The following MCTP2 variants were observed in gnomAD, a reference collection of about 807,000 sequenced individuals.
The protein encoded by MCTP2 is multiple C2 and transmembrane domain-containing protein 2.
In MCTP2, 132 loss-of-function variants were observed where a neutral mutation model predicts 111.6. That is an observed-to-expected ratio of 1.18 (90% CI 1.03 to 1.37). MCTP2 has a LOEUF of 1.37. Ranked by LOEUF, MCTP2 falls within the 40% of genes most tolerant of loss-of-function variation. The pLI, the probability that MCTP2 is intolerant of heterozygous loss-of-function variation, is 0.00. For missense variants in MCTP2, 1,183 were observed against 1,067.9 expected, an observed-to-expected ratio of 1.11 and a Z score of -1.50; for synonymous variants, 395 against 387.7, an observed-to-expected ratio of 1.02 and a Z score of -0.22.
At chr15:94,459,485 T>C (rs12911659) in intron 20 of MCTP2, among the ~76,000 whole-genome samples, 105,956 of 152,072 alleles carry the variant, frequency 0.7, 37,118 homozygotes, top group Middle Eastern at 0.89. Context: ...AAGTTATAAA[T>C]GACTTTTAAA....
chr15:94,453,550 T>C (rs2084604994), intron 19 of MCTP2, among the ~76,000 whole-genome samples: 1 of 152,244 alleles, frequency 6.6e-6, no homozygotes, highest in African/African-American at 2.4e-5. Flanking sequence ...GTATGTTAAA[T>C]ATTTGCATAA....
chr15:94,390,725 C>CTTTTTTTTTTTTTTTT lies in MCTP2; in HGVS notation c.1788+5207_1788+5222dup, dbSNP rs777312969. The stretch of plus-strand genomic sequence containing the variant: ...GAAGACCTGCAATTTCTTTTCTTTT[C>CTTTTTTTTTTTTTTTT]TTTTTTTTTTTTTTTTTTTTTTGGG... On this transcript the variant is annotated intron_variant, in intron 14 of 22. Coordinates refer to ENST00000357742, the MANE Select transcript of MCTP2 (RefSeq NM_001385001.1). 2.0e-4 allele frequency among the ~76,000 whole-genome samples: 23 copies of CTTTTTTTTTTTTTTTT among 112,976 alleles called. 1 individual carries two copies. Among genetic ancestry groups the CTTTTTTTTTTTTTTTT allele is most frequent in the African/African-American group, 7.5e-4 (22 of 29,208 alleles). 74.1% of individuals were successfully genotyped at this position (112,976 alleles called of 152,430 possible).
intron 1 of MCTP2, among the ~76,000 whole-genome samples, chr15:94,253,447 C>A (rs1013742080): frequency 6.6e-6 from 1 of 152,174 alleles, no homozygotes; most frequent in East Asian, 1.9e-4. Context: ...ATATAATCAG[C>A]AAATTACAAA....
At chr15:94,297,058 A>G (rs1356447808) in intron 1 of MCTP2, among the ~76,000 whole-genome samples, 1 of 152,168 alleles carries the variant, frequency 6.6e-6, no homozygotes, top group Non-Finnish European at 1.5e-5. Flanking sequence ...AGAAAATGTG[A>G]TTTGTGGAAG....
chr15:94,328,310 A>G (rs954745564), intron 4 of MCTP2, among the ~76,000 whole-genome samples: 3 of 151,330 alleles, frequency 2.0e-5, no homozygotes, highest in Non-Finnish European at 4.4e-5. Context: ...TTGTATTTTT[A>G]GTAGAGACGG....
At chr15:94,465,012 T>G (rs542421396) in intron 20 of MCTP2, among the ~76,000 whole-genome samples, 1 of 152,098 alleles carries the variant, frequency 6.6e-6, no homozygotes, top group South Asian at 2.1e-4. Context: ...TTGTTTTTGT[T>G]TGGCTTGTTC....
In MCTP2 at chr15:94,481,297, A is replaced by G. The variant is rs1201775954; in HGVS notation, c.*2263A>G. 6.6e-6 allele frequency: 1 copy of G among 152,078 alleles called. No homozygotes were observed. The highest frequency in any genetic ancestry group is 1.5e-5 in the Non-Finnish European group (1 of 68,046). The allele number at this position is 152,078 out of a possible 1,614,324, so 9.4% of individuals were successfully genotyped here. ...CCCTGTCTTCAGAACCCCAACCCTC[A>G]TAATCTCCTTCCAGCTTCCTTATTT... On this transcript the variant is annotated 3_prime_UTR_variant, in exon 23 of 23. Coordinates refer to ENST00000357742, the MANE Select transcript of MCTP2 (RefSeq NM_001385001.1).
intron 21 of MCTP2, 24 bp from the exon 22 acceptor site, chr15:94,476,672 A>G (rs1337716559): frequency 2.6e-6 from 3 of 1,146,810 alleles, no homozygotes; most frequent in Non-Finnish European, 4.0e-6. Context: ...AGATAAAGAG[A>G]TCTCCTGTGT....
chr15:94,266,072 G>T (rs976574167), intron 1 of MCTP2, among the ~76,000 whole-genome samples: 1 of 55,182 alleles, frequency 1.8e-5, no homozygotes, highest in East Asian at 6.1e-4. Context: ...ACGTGCATGC[G>T]TGTGCGCGCA....
intron 19 of MCTP2, among the ~76,000 whole-genome samples, chr15:94,451,987 A>G (rs1167127633): frequency 6.6e-6 from 1 of 152,170 alleles, no homozygotes; most frequent in Non-Finnish European, 1.5e-5. Context: ...CCACACTCCA[A>G]TCAGAGTAAT....
chr15:94,370,450 G>A (rs542031527), intron 12 of MCTP2, among the ~76,000 whole-genome samples: 1 of 152,104 alleles, frequency 6.6e-6, no homozygotes, highest in East Asian at 1.9e-4. Flanking sequence ...TATGAGTCAC[G>A]ACTTCTTTAT....
At chr15:94,312,715 A>AT (rs2076202109) in intron 2 of MCTP2, among the ~76,000 whole-genome samples, 1 of 152,210 alleles carries the variant, frequency 6.6e-6, no homozygotes. Flanking sequence ...TCCTAGCCCC[A>AT]TGAGGCTCCA....
At chr15:94,364,298 A>T (rs1333295692) in intron 10 of MCTP2, among the ~76,000 whole-genome samples, 1 of 152,176 alleles carries the variant, frequency 6.6e-6, no homozygotes, top group Non-Finnish European at 1.5e-5. Flanking sequence ...CAAACCAAAA[A>T]TATTTAATTA....
chr15:94,419,611 A>G (rs1343190634), intron 17 of MCTP2, among the ~76,000 whole-genome samples: 1 of 152,014 alleles, frequency 6.6e-6, no homozygotes, highest in Non-Finnish European at 1.5e-5. Context: ...ACACCCACTG[A>G]TTTCTTCCGA....
intron 17 of MCTP2, among the ~76,000 whole-genome samples, chr15:94,429,402 A>G (rs549962180): frequency 1.3e-5 from 2 of 152,264 alleles, no homozygotes; most frequent in East Asian, 1.9e-4. Flanking sequence ...TCTCCTGTCT[A>G]CAATTTTCCC....
At chr15:94,311,273 C>T (rs559101628) in intron 2 of MCTP2, among the ~76,000 whole-genome samples, 1 of 151,514 alleles carries the variant, frequency 6.6e-6, no homozygotes, top group African/African-American at 2.4e-5. Flanking sequence ...GTGATCCGCC[C>T]ACCTTGGCCT....
At chr15:94,231,489 G>A (rs1469274662), upstream of MCTP2, 1 of 152,264 alleles carries the variant, frequency 6.6e-6, no homozygotes, top group Non-Finnish European at 1.5e-5. Flanking sequence ...CTTTAGGCGG[G>A]GCTCGCAAGG....
intron 18 of MCTP2, 44 bp downstream of exon 18, chr15:94,440,342 G>C (rs2083710154): frequency 6.2e-7 from 1 of 1,609,482 alleles, no homozygotes; most frequent in Non-Finnish European, 8.5e-7. Flanking sequence ...GCCGAGAAAT[G>C]TGTTAACAAC....
chr15:94,458,334 G>C, intron 20 of MCTP2, 88 bp downstream of exon 20: 3 of 807,770 alleles, frequency 3.7e-6, no homozygotes, highest in East Asian at 5.1e-5. Flanking sequence ...GCGACAAAGG[G>C]AGGCAAGAAA....
Sources: gnomAD v4.1 joint callset for allele counts (sites outside exome capture counted in the v4.1 genomes callset) on GRCh38, gnomAD v4.1.1 for gene constraint, MANE v1.5 for transcripts, NCBI Gene and HGNC (gene_info 2026-07-23, HGNC 2026-07-21) for gene names.